Variants in MAPKAP1 observed in about 807,000 individuals in gnomAD.
The protein encoded by MAPKAP1 is target of rapamycin complex 2 subunit MAPKAP1.
MAPKAP1 carries 20 observed loss-of-function variants against 65.7 expected under a neutral mutation model. The observed-to-expected ratio is 0.30, with a 90% CI of 0.21 to 0.44. The LOEUF (loss-of-function observed/expected upper bound fraction) is 0.44, where lower values mean the gene tolerates loss of function less well. MAPKAP1 is among the 20% of genes least tolerant of loss of function. MAPKAP1 has a pLI of 1.00. For synonymous variants in MAPKAP1, 222 were observed against 244.3 expected (o/e 0.91, Z 0.85); for missense variants, 423 against 648.0 (o/e 0.65, Z 3.77).
chr9:125,466,652 G>A (rs1853689406), intron 10 of MAPKAP1, among the ~76,000 whole-genome samples: 1 of 152,144 alleles, frequency 6.6e-6, no homozygotes, highest in Non-Finnish European at 1.5e-5. Context: ...CAGCAACCTT[G>A]AGGCAAGGCC....
chr9:125,545,616 C>T (rs188867863), intron 6 of MAPKAP1, among the ~76,000 whole-genome samples: 45 of 152,272 alleles, frequency 3.0e-4, no homozygotes, highest in Admixed American at 1.6e-3. Context: ...AATCTGCTGC[C>T]GGCTGACAGC....
intron 3 of MAPKAP1, among the ~76,000 whole-genome samples, chr9:125,666,961 A>C (rs1834356927): frequency 6.6e-6 from 1 of 152,234 alleles, no homozygotes; most frequent in Admixed American, 6.5e-5. Context: ...ATCAGGGAAT[A>C]ACAGTTCAAG....
intron 4 of MAPKAP1, among the ~76,000 whole-genome samples, chr9:125,646,463 A>G (rs539587064): frequency 6.6e-6 from 1 of 152,348 alleles, no homozygotes; most frequent in African/African-American, 2.4e-5. Context: ...GAATGTTATG[A>G]GGACTGAACA....
chr9:125,653,999 CT>C (rs1417233039), intron 4 of MAPKAP1, among the ~76,000 whole-genome samples: 1 of 152,112 alleles, frequency 6.6e-6, no homozygotes, highest in East Asian at 1.9e-4. Flanking sequence ...TGATAATGTA[CT>C]AGCAAAAGAG....
In MAPKAP1 at chr9:125,693,442, T is replaced by TAC. The variant is rs1321301850; in HGVS notation, c.-70+13527_-70+13528dup. Among the ~76,000 whole-genome samples, 721 of 141,340 alleles carry TAC rather than the reference T, an allele frequency of 5.1e-3. 7 individuals carry two copies. Among genetic ancestry groups the TAC allele is most frequent in the Middle Eastern group, 0.011 (3 of 274 alleles). The allele number at this position is 141,340 out of a possible 152,430, so 92.7% of individuals were successfully genotyped here. The stretch of plus-strand genomic sequence containing the variant: ...AAAAAAAAAAATATATATATATATA[T>TAC]ACACACACACACACATACATGTATA... On this transcript the variant is annotated intron_variant, in intron 1 of 11. Transcript: ENST00000265960.
At chr9:125,659,794 T>TTCTATA (rs1225720113) in intron 3 of MAPKAP1, among the ~76,000 whole-genome samples, 2 of 152,028 alleles carry the variant, frequency 1.3e-5, no homozygotes, top group African/African-American at 4.8e-5. Flanking sequence ...CTTCTTAAAA[T>TTCTATA]GTCTGTCTAT....
intron 3 of MAPKAP1, among the ~76,000 whole-genome samples, chr9:125,658,093 G>A (rs1293548985): frequency 6.6e-6 from 1 of 152,176 alleles, no homozygotes; most frequent in Non-Finnish European, 1.5e-5. Flanking sequence ...GGAGACCCGA[G>A]CTTTGGCCCG....
intron 4 of MAPKAP1, among the ~76,000 whole-genome samples, chr9:125,647,828 C>T (rs966688539): frequency 3.3e-5 from 5 of 152,058 alleles, no homozygotes; most frequent in South Asian, 2.1e-4. Context: ...GATGTGTGAA[C>T]GAATCCACTC....
At chr9:125,579,583 G>A (rs962537205) in intron 5 of MAPKAP1, among the ~76,000 whole-genome samples, 4 of 152,166 alleles carry the variant, frequency 2.6e-5, no homozygotes, top group Admixed American at 6.5e-5. Flanking sequence ...GTGAGCAACC[G>A]TGCCCGGCCC....
intron 4 of MAPKAP1, among the ~76,000 whole-genome samples, chr9:125,642,538 A>G (rs1833609710): frequency 6.6e-6 from 1 of 152,090 alleles, no homozygotes; most frequent in African/African-American, 2.4e-5. Context: ...TAAATCACAC[A>G]CCCACCAGCA....
intron 8 of MAPKAP1, among the ~76,000 whole-genome samples, chr9:125,503,491 T>A (rs939024660): frequency 6.6e-6 from 1 of 152,220 alleles, no homozygotes. Flanking sequence ...AGGATGACCA[T>A]TTGTTTAATC....
chr9:125,595,797 T>A lies in MAPKAP1; in HGVS notation c.499-10070A>T. On this transcript the variant is annotated intron_variant, in intron 4 of 11. Transcript: ENST00000265960. This position sits in a 1 kb window ranked among gnomAD's most constrained non-coding sequence, Gnocchi z 4.0. The stretch of plus-strand genomic sequence containing the variant: ...CAATGGGGAACGCTCCCAGACTGTG[T>A]GGTAATGAAAGATTCCAACACCAAG... 1.7e-6 allele frequency: 2 copies of A among 1,170,662 alleles called. No individual in the cohort carries two copies. The highest frequency in any genetic ancestry group is 2.3e-5 in the East Asian group (1 of 42,862). The allele number at this position is 1,170,662 out of a possible 1,614,324, so 72.5% of individuals were successfully genotyped here.
intron 4 of MAPKAP1, among the ~76,000 whole-genome samples, chr9:125,648,899 C>G (rs1301226600): frequency 6.6e-6 from 1 of 151,814 alleles, no homozygotes; most frequent in Non-Finnish European, 1.5e-5. Context: ...CAAGATCACA[C>G]CACTGCACTC....
chr9:125,683,892 T>G (rs150382145), intron 1 of MAPKAP1, among the ~76,000 whole-genome samples: 14 of 152,286 alleles, frequency 9.2e-5, no homozygotes, highest in African/African-American at 3.4e-4. Context: ...TCCCTCCCCA[T>G]CTTGCAACTT....
At chr9:125,567,771 C>T (rs1831104211) in intron 5 of MAPKAP1, 1 of 152,064 alleles carries the variant, frequency 6.6e-6, no homozygotes, top group East Asian at 1.9e-4. Context: ...GTGAGAAAAC[C>T]CTGACTCAAT....
chr9:125,586,249 G>A (rs1328534839), intron 4 of MAPKAP1, among the ~76,000 whole-genome samples: 2 of 152,058 alleles, frequency 1.3e-5, no homozygotes, highest in Non-Finnish European at 2.9e-5. Flanking sequence ...ACAGGTTCAA[G>A]GGCCCTTTGA....
At chr9:125,660,463 C>T (rs2131763153) in intron 3 of MAPKAP1, among the ~76,000 whole-genome samples, 1 of 152,228 alleles carries the variant, frequency 6.6e-6, no homozygotes, top group South Asian at 2.1e-4. Flanking sequence ...AGGGAAACCC[C>T]AAGTAAATAT....
intron 4 of MAPKAP1, among the ~76,000 whole-genome samples, chr9:125,655,107 T>C (rs140973245): frequency 9.9e-5 from 15 of 151,532 alleles, no homozygotes; most frequent in African/African-American, 3.4e-4. Flanking sequence ...CAAATCTTTG[T>C]AAAAAAAAGA....
At chr9:125,556,092 A>C (rs1306459452) in intron 6 of MAPKAP1, among the ~76,000 whole-genome samples, 1 of 152,240 alleles carries the variant, frequency 6.6e-6, no homozygotes, top group Non-Finnish European at 1.5e-5. Context: ...TAACACTAAG[A>C]TGATGCGTAC....
Sources: allele counts gnomAD v4.1 joint callset (sites outside exome capture counted in the v4.1 genomes callset), GRCh38; gene constraint gnomAD v4.1.1; non-coding constraint Gnocchi (gnomAD v3.1); transcripts MANE v1.5; gene names NCBI Gene and HGNC (gene_info 2026-07-23, HGNC 2026-07-21).